Variants in PCDH7 observed in about 807,000 individuals in gnomAD.
PCDH7 encodes the protein protocadherin 7.
A neutral mutation model predicts 58.9 loss-of-function variants in PCDH7; 17 were observed. The ratio of observed to expected loss-of-function variants is 0.29; its 90% CI spans 0.20 to 0.43. The LOEUF (loss-of-function observed/expected upper bound fraction) is 0.43. PCDH7 is among the 20% of genes least tolerant of loss of function. PCDH7 has a pLI of 1.00. For missense variants in PCDH7, 1,274 were observed against 1,441.0 expected, an observed-to-expected ratio of 0.88 and a Z score of 1.88; for synonymous variants, 664 against 616.4, an observed-to-expected ratio of 1.08 and a Z score of -1.14.
chr4:30,852,610 A>C (rs1020629987), intron 1 of PCDH7, among the ~76,000 whole-genome samples: 1 of 151,974 alleles, frequency 6.6e-6, no homozygotes, highest in Non-Finnish European at 1.5e-5. Flanking sequence ...ATTGAATCAT[A>C]ATGGTCCTTC....
At position 30,788,451 on chromosome 4, in the gene PCDH7, G is replaced by A. The variant is rs568704033; in HGVS notation, c.70+63855G>A. On this transcript the variant is annotated intron_variant, in intron 1 of 3. Transcript: ENST00000509759. ...TTAGTACCCTATCTGTAATATTACA[G>A]GGATTTTTGTCCTTATTTATGATAC... Among the ~76,000 whole-genome samples the A allele has an allele frequency of 2.6e-5, 4 of 152,028 alleles. No homozygotes were observed. In the East Asian group the frequency reaches 7.7e-4, roughly 29 times the overall value.
chr4:31,081,562 G>T (rs1338101407), intron 3 of PCDH7, among the ~76,000 whole-genome samples: 1 of 151,954 alleles, frequency 6.6e-6, no homozygotes, highest in Non-Finnish European at 1.5e-5. Context: ...ACATTTCTGT[G>T]TCTTTCAATA....
intron 1 of PCDH7, among the ~76,000 whole-genome samples, chr4:30,822,575 C>A (rs1248541155): frequency 6.6e-6 from 1 of 152,070 alleles, no homozygotes; most frequent in Non-Finnish European, 1.5e-5. Flanking sequence ...ATGAATCCGT[C>A]ATGGTTTACT....
intron 1 of PCDH7, among the ~76,000 whole-genome samples, chr4:30,898,144 A>C (rs1739691280): frequency 6.6e-6 from 1 of 152,204 alleles, no homozygotes; most frequent in Non-Finnish European, 1.5e-5. Flanking sequence ...CCATAAAAGT[A>C]GCCTCAGGGG....
intron 3 of PCDH7, among the ~76,000 whole-genome samples, chr4:30,966,501 A>G (rs954575298): frequency 6.6e-6 from 1 of 152,184 alleles, no homozygotes; most frequent in Non-Finnish European, 1.5e-5. Flanking sequence ...CTTAAATTGC[A>G]GGAAAAATGT....
intron 1 of PCDH7, among the ~76,000 whole-genome samples, chr4:30,835,663 A>G (rs887799252): frequency 6.6e-6 from 1 of 152,118 alleles, no homozygotes; most frequent in Non-Finnish European, 1.5e-5. Flanking sequence ...CATTTTAATG[A>G]TGATTCTATC....
intron 3 of PCDH7, among the ~76,000 whole-genome samples, chr4:31,031,052 A>T (rs966207220): frequency 5.9e-5 from 9 of 152,194 alleles, no homozygotes; most frequent in Non-Finnish European, 1.0e-4. Flanking sequence ...TGTAATATAA[A>T]GACAAATGGG....
At chr4:31,041,810 AT>A (rs56326900) in intron 3 of PCDH7, among the ~76,000 whole-genome samples, 13,423 of 152,222 alleles carry the variant, frequency 0.088, 693 homozygotes, top group South Asian at 0.18. Context: ...TTTTAAAAAA[AT>A]AATGCTGCTT....
chr4:30,734,120 A>C (rs1316762575), downstream of PCDH7, among the ~76,000 whole-genome samples: 1 of 151,998 alleles, frequency 6.6e-6, no homozygotes, highest in Non-Finnish European at 1.5e-5. Flanking sequence ...GCAATTCCAC[A>C]GTTGGAAATA....
chr4:31,145,564 A>G (rs1293393017), downstream of PCDH7: 1 of 152,074 alleles, frequency 6.6e-6, no homozygotes, highest in Non-Finnish European at 1.5e-5. Context: ...GGGTTTGGAC[A>G]ATGAGGGGAA....
intron 3 of PCDH7, among the ~76,000 whole-genome samples, chr4:31,138,233 T>C (rs1359686613): frequency 6.6e-6 from 1 of 152,174 alleles, no homozygotes; most frequent in Non-Finnish European, 1.5e-5. Context: ...CTACCCTGCC[T>C]AGTAAAAACA....
chr4:31,096,181 A>C (rs2109292567), intron 3 of PCDH7, among the ~76,000 whole-genome samples: 1 of 152,282 alleles, frequency 6.6e-6, no homozygotes, highest in East Asian at 1.9e-4. Context: ...CATTATATGA[A>C]GTTGTTCTCC....
chr4:30,818,445 A>C (rs1253603166), intron 1 of PCDH7, among the ~76,000 whole-genome samples: 1 of 152,158 alleles, frequency 6.6e-6, no homozygotes, highest in African/African-American at 2.4e-5. Flanking sequence ...TCTTCTCTCC[A>C]TAATATGGGA....
At chr4:30,783,480 A>G (rs973583642) in intron 1 of PCDH7, among the ~76,000 whole-genome samples, 2 of 152,142 alleles carry the variant, frequency 1.3e-5, no homozygotes, top group African/African-American at 2.4e-5. Flanking sequence ...AACACATTCA[A>G]CAGATACTTG....
At chr4:30,726,683 T>G (rs548455483) in intron 1 of PCDH7, among the ~76,000 whole-genome samples, 2 of 152,090 alleles carry the variant, frequency 1.3e-5, no homozygotes, top group African/African-American at 4.8e-5. Flanking sequence ...CAAAAGTGAC[T>G]TTGGAAAACT....
chr4:30,878,084 G>C (rs530246241), intron 1 of PCDH7, among the ~76,000 whole-genome samples: 1 of 152,236 alleles, frequency 6.6e-6, no homozygotes, highest in East Asian at 1.9e-4. Flanking sequence ...TCAGTTGTGT[G>C]ACTTAGACCC....
intron 1 of PCDH7, chr4:30,725,215 A>C: frequency 1.0e-6 from 1 of 994,674 alleles, no homozygotes; most frequent in Non-Finnish European, 1.2e-6. Context: ...AATCTTTTAT[A>C]TCTATAATAA....
chr4:31,061,967 C>A (rs549598175), intron 3 of PCDH7, among the ~76,000 whole-genome samples: 1 of 151,762 alleles, frequency 6.6e-6, no homozygotes, highest in South Asian at 2.1e-4. Context: ...AAACACTCTA[C>A]TTTATGATGC....
chr4:31,114,062 G>A (rs1224921451), intron 3 of PCDH7, among the ~76,000 whole-genome samples: 2 of 151,978 alleles, frequency 1.3e-5, no homozygotes, highest in Non-Finnish European at 2.9e-5. Flanking sequence ...TTGAAATCCT[G>A]ACCTCAGGTG....
Sources: allele counts gnomAD v4.1 joint callset (sites outside exome capture counted in the v4.1 genomes callset), GRCh38; gene constraint gnomAD v4.1.1; transcripts MANE v1.5; gene names NCBI Gene and HGNC (gene_info 2026-07-23, HGNC 2026-07-21).